Variants in SLC44A5 observed in about 807,000 individuals in gnomAD.
SLC44A5 encodes the protein solute carrier family 44 member 5, also known as choline transporter-like protein 5.
Under a neutral mutation model 101.8 loss-of-function variants are expected in SLC44A5, and 57 were observed. The ratio of observed to expected loss-of-function variants is 0.56; its 90% CI spans 0.45 to 0.70. The LOEUF (loss-of-function observed/expected upper bound fraction) is 0.70. SLC44A5 is among the 30% of genes least tolerant of loss of function. The pLI is 0.00. For synonymous variants in SLC44A5, 281 were observed against 290.9 expected, an observed-to-expected ratio of 0.97 and a Z score of 0.35; for missense variants, 737 against 853.1, an observed-to-expected ratio of 0.86 and a Z score of 1.70.
rs892536342 is a variant in SLC44A5, at chr1:75,219,644, C to T, written c.1178+156G>A. On this transcript the variant is annotated intron_variant, in intron 15 of 23. Coordinates refer to ENST00000370859, the MANE Select transcript of SLC44A5 (RefSeq NM_001130058.2). The stretch of plus-strand genomic sequence containing the variant: ...TGAACTATTTGAGGGGAAATTCAAT[C>T]GGTAGATTGAAACGTTTTTAGAGCT... 5.9e-5 allele frequency among the ~76,000 whole-genome samples: 9 copies of T among 152,086 alleles called. No individual in the cohort carries two copies. The East Asian group carries it at 7.8e-4, about 13-fold the overall frequency.
Position 75,222,451 on chromosome 1 carries a change from A to G in SLC44A5, c.995T>C (p.Leu332Pro). ...GATGACAATCACTTCAATGATGCAGAGTATTATCACTTTGAACAGGAAAAA... is the reference window on the plus strand; with the variant it reads ...GATGACAATCACTTCAATGATGCAGGGTATTATCACTTTGAACAGGAAAAA... ...QQTWFTFMII[L>P]CIIEVIVILM... The change falls in exon 14 of 24, where the codon CTC (leucine) becomes CCC (proline). Residue 332 changes from leucine to proline, a missense_variant. By Grantham distance (98) the Leu-to-Pro change is moderately conservative (BLOSUM62 -3). Around this residue, in one of 3 missense-constraint regions of SLC44A5, gnomAD observed 665 missense variants for 764.4 expected, o/e 0.87. Transcript: ENST00000370859. 6.2e-7 allele frequency: 1 copy of G among 1,608,614 alleles called. No individual in the cohort carries two copies. Among genetic ancestry groups the G allele is most frequent in the Non-Finnish European group, 8.5e-7 (1 of 1,175,906 alleles).
the SLC44A5 span, among the ~76,000 whole-genome samples, chr1:75,676,462 A>G: frequency 2.0e-5 from 3 of 152,192 alleles, no homozygotes; most frequent in Non-Finnish European, 4.4e-5. Context: ...ACAGAAAACC[A>G]AACACTGCAT....
intron 3 of SLC44A5, among the ~76,000 whole-genome samples, chr1:75,376,247 G>A (rs1660591225): frequency 6.6e-6 from 1 of 152,214 alleles, no homozygotes; most frequent in Non-Finnish European, 1.5e-5. Flanking sequence ...CAAGGCGGCA[G>A]CGAGGCTGGG....
chr1:75,582,386 C>G (rs1293142151), intron 1 of SLC44A5: 11 of 812,030 alleles, frequency 1.4e-5, no homozygotes, highest in Non-Finnish European at 2.0e-5. Context: ...TCGACTTGCC[C>G]ACATTGCCCA....
chr1:75,687,872 AC>A, the SLC44A5 span, among the ~76,000 whole-genome samples: 2 of 152,022 alleles, frequency 1.3e-5, no homozygotes, highest in Non-Finnish European at 2.9e-5. Context: ...CACTAGTATC[AC>A]CTTTATGGTC....
At chr1:75,547,837 G>T (rs2101971471) in intron 1 of SLC44A5, among the ~76,000 whole-genome samples, 1 of 152,142 alleles carries the variant, frequency 6.6e-6, no homozygotes, top group South Asian at 2.1e-4. Context: ...TCCTGATTTG[G>T]CGCCTTCTAA....
chr1:75,396,495 T>C (rs1662129695), intron 3 of SLC44A5, 88 bp downstream of exon 3: 4 of 1,085,496 alleles, frequency 3.7e-6, no homozygotes, highest in South Asian at 3.0e-5. Flanking sequence ...TATTTCGCTA[T>C]TCCTAGATTT....
intron 3 of SLC44A5, among the ~76,000 whole-genome samples, chr1:75,388,562 C>T (rs111886064): frequency 1.9e-3 from 296 of 152,050 alleles, no homozygotes; most frequent in Non-Finnish European, 3.0e-3. Context: ...GGGTGGATCA[C>T]GAGGTCAGGA....
chr1:75,222,412 A>G lies in SLC44A5; in HGVS notation c.1034T>C (p.Phe345Ser), dbSNP rs774068723. The change falls in exon 14 of 24, where the codon TTC becomes TCC. Residue 345 changes from phenylalanine to serine, a missense_variant. By Grantham distance (155) the Phe-to-Ser change is radical. This residue lies in a region of SLC44A5 where 665 missense variants were observed against 764.4 expected (regional missense o/e 0.87). Transcript: ENST00000370859. ...GGCGACTCGGATTCGATTCCTGAGG[A>G]AGATCAGCATGAGGATGACAATCAC... is the stretch of plus-strand genomic sequence containing the variant. ...IEVIVILMLIFLRNRIRVAII... is the reference protein window; with the variant it reads ...IEVIVILMLISLRNRIRVAII... 5 of 1,613,820 alleles carry G rather than the reference A, an allele frequency of 3.1e-6. No homozygotes were observed. Among genetic ancestry groups the G allele is most frequent in the Non-Finnish European group, 1.7e-6 (2 of 1,179,916 alleles).
At chr1:75,711,338 T>G in the SLC44A5 span, among the ~76,000 whole-genome samples, 1 of 152,176 alleles carries the variant, frequency 6.6e-6, no homozygotes, top group Non-Finnish European at 1.5e-5. Flanking sequence ...ACATCTCTAG[T>G]AGACTCACTT....
chr1:75,338,796 G>T (rs748991000), intron 4 of SLC44A5, among the ~76,000 whole-genome samples: 3 of 152,146 alleles, frequency 2.0e-5, no homozygotes, highest in Non-Finnish European at 4.4e-5. Context: ...CGTACATACT[G>T]ATGGTTGGCA....
intron 1 of SLC44A5, among the ~76,000 whole-genome samples, chr1:75,599,116 T>A (rs1674820034): frequency 6.6e-6 from 1 of 151,636 alleles, no homozygotes; most frequent in East Asian, 1.9e-4. Flanking sequence ...ATTCAATAAA[T>A]GTTCATTTAG....
At chr1:75,641,054 C>G in the SLC44A5 span, among the ~76,000 whole-genome samples, 1 of 151,960 alleles carries the variant, frequency 6.6e-6, no homozygotes, top group Non-Finnish European at 1.5e-5. Context: ...CAAGTCTTCC[C>G]CAAAAAGGAC....
chr1:75,379,406 AC>A (rs1660816486), intron 3 of SLC44A5, among the ~76,000 whole-genome samples: 1 of 54,586 alleles, frequency 1.8e-5, no homozygotes, highest in South Asian at 6.1e-4. Context: ...AAATTGGAGT[AC>A]TATTAGTCAA....
intron 2 of SLC44A5, among the ~76,000 whole-genome samples, chr1:75,406,255 A>G (rs540336110): frequency 1.9e-4 from 29 of 152,234 alleles, no homozygotes; most frequent in Non-Finnish European, 3.8e-4. Flanking sequence ...AAGACCAGAT[A>G]GATTCACAGC....
intron 2 of SLC44A5, among the ~76,000 whole-genome samples, chr1:75,492,042 C>A (rs1668453194): frequency 6.6e-6 from 1 of 152,212 alleles, no homozygotes; most frequent in South Asian, 2.1e-4. Flanking sequence ...GCTGACTGAA[C>A]ACAATGGGTA....
the SLC44A5 span, among the ~76,000 whole-genome samples, chr1:75,654,123 G>C: frequency 6.6e-6 from 1 of 151,988 alleles, no homozygotes; most frequent in Non-Finnish European, 1.5e-5. Context: ...CAAATGATTT[G>C]ACCCTTAATT....
intron 3 of SLC44A5, among the ~76,000 whole-genome samples, chr1:75,367,699 G>C (rs1659953083): frequency 6.6e-6 from 1 of 152,186 alleles, no homozygotes. Context: ...CTGTAGCAGA[G>C]TCCATAGGGG....
chr1:75,599,719 C>G (rs751018278), intron 1 of SLC44A5, among the ~76,000 whole-genome samples: 1 of 152,070 alleles, frequency 6.6e-6, no homozygotes. Flanking sequence ...CACACACATA[C>G]AAACCATCCA....
Sources: gnomAD v4.1 joint callset for allele counts (sites outside exome capture counted in the v4.1 genomes callset) on GRCh38, gnomAD v4.1.1 for gene constraint, gnomAD v4.1.1 regional missense constraint, MANE v1.5 for transcripts, NCBI Gene and HGNC (gene_info 2026-07-23, HGNC 2026-07-21) for gene names.